GPC5: variants seen among roughly 807,000 people sequenced by gnomAD.
GPC5 encodes the protein glypican 5.
GPC5 carries 47 observed loss-of-function variants against 53.9 expected under a neutral mutation model. The observed-to-expected ratio is 0.87, with a 90% confidence interval of 0.69 to 1.11. The LOEUF (loss-of-function observed/expected upper bound fraction) is 1.11, where lower values mean the gene tolerates loss of function less well. Among genes scored for constraint, GPC5 ranks in the 50% most tolerant of loss-of-function variants. The probability of loss-of-function intolerance (pLI) is 0.00; values close to 1 mark genes in which losing one functional copy is unlikely to be tolerated. For missense variants in GPC5, 748 were observed against 713.1 expected (o/e 1.05, Z -0.56); for synonymous variants, 286 against 263.3 (o/e 1.09, Z -0.84).
In GPC5 at chr13:91,796,351, C is replaced by T. The variant is rs146089992; in HGVS notation, c.1280+39931C>T. Among the ~76,000 whole-genome samples, 8 of 152,222 alleles carry T rather than the reference C, an allele frequency of 5.3e-5. No homozygotes were observed. The East Asian group carries it at 1.2e-3, about 22-fold the overall frequency. ...TCTGGAGGGTTGGAAGTCAAAATGG[C>T]GGGTCTGCAATGACAGCAATCAGCA... is the stretch of plus-strand genomic sequence containing the variant. On this transcript the variant is annotated intron_variant, in intron 5 of 7. Coordinates refer to ENST00000377067, the MANE Select transcript of GPC5 (RefSeq NM_004466.6).
intron 7 of GPC5, among the ~76,000 whole-genome samples, chr13:92,458,306 G>T (rs1285496690): frequency 2.2e-5 from 3 of 135,960 alleles, no homozygotes; most frequent in Non-Finnish European, 4.7e-5. Flanking sequence ...CTTTTTTTGG[G>T]GGGGGCAGGG....
intron 6 of GPC5, among the ~76,000 whole-genome samples, chr13:92,109,832 G>T (rs1417645521): frequency 6.6e-6 from 1 of 152,052 alleles, no homozygotes; most frequent in East Asian, 1.9e-4. Context: ...TCTTTCATTT[G>T]ATTTATCTGA....
intron 5 of GPC5, among the ~76,000 whole-genome samples, chr13:91,841,238 T>C (rs976729137): frequency 1.3e-5 from 2 of 151,512 alleles, no homozygotes; most frequent in African/African-American, 4.9e-5. Flanking sequence ...GGCTAGAAAA[T>C]ATTTTTTAAA....
At position 91,513,003 on chromosome 13, in the gene GPC5, A is replaced by T. The variant is rs140900585; in HGVS notation, c.325+64081A>T. Among the ~76,000 whole-genome samples, 5 of 152,322 alleles carry T rather than the reference A, an allele frequency of 3.3e-5. No individual in the cohort carries two copies. The East Asian group carries it at 9.6e-4, about 29-fold the overall frequency. On this transcript the variant is annotated intron_variant, in intron 2 of 7. Coordinates refer to ENST00000377067, the MANE Select transcript of GPC5 (RefSeq NM_004466.6). The stretch of plus-strand genomic sequence containing the variant: ...TTTCTTCACATTACACTTTTAAAAA[A>T]ATCATTGTTATTATTTAAGCTCCAG...
intron 7 of GPC5, among the ~76,000 whole-genome samples, chr13:92,587,892 T>G (rs866087535): frequency 8.1e-5 from 12 of 147,472 alleles, no homozygotes; most frequent in East Asian, 4.0e-4. Flanking sequence ...TTTTTTGGGG[T>G]TTTTTTTTTG....
At chr13:92,231,283 G>A (rs1000652898) in intron 7 of GPC5, among the ~76,000 whole-genome samples, 3 of 152,124 alleles carry the variant, frequency 2.0e-5, no homozygotes, top group Admixed American at 6.5e-5. Context: ...ATGGAATAAA[G>A]CCATTTTCCC....
intron 7 of GPC5, among the ~76,000 whole-genome samples, chr13:92,736,723 TCTTG>T (rs1353221620): frequency 1.3e-5 from 2 of 151,954 alleles, no homozygotes; most frequent in African/African-American, 4.8e-5. Context: ...TCTGATCTGT[TCTTG>T]CTTGTCTCCC....
chr13:92,699,931 A>T (rs1387143507), intron 7 of GPC5, among the ~76,000 whole-genome samples: 1 of 152,158 alleles, frequency 6.6e-6, no homozygotes, highest in African/African-American at 2.4e-5. Context: ...AGATCTGTAG[A>T]TGTCTATTAG....
At chr13:92,671,226 G>T (rs1459209503) in intron 7 of GPC5, among the ~76,000 whole-genome samples, 1 of 152,022 alleles carries the variant, frequency 6.6e-6, no homozygotes, top group Non-Finnish European at 1.5e-5. Flanking sequence ...AAAACATTCC[G>T]AAATAAACAA....
chr13:91,578,442 T>G (rs2032220622), intron 2 of GPC5, among the ~76,000 whole-genome samples: 1 of 152,150 alleles, frequency 6.6e-6, no homozygotes, highest in Admixed American at 6.6e-5. Flanking sequence ...CCTTTGTCAT[T>G]TTAGCACCCT....
intron 7 of GPC5, among the ~76,000 whole-genome samples, chr13:92,675,042 T>C (rs61974465): frequency 0.22 from 33,561 of 152,054 alleles, 4,355 homozygotes; most frequent in South Asian, 0.36. Flanking sequence ...TTTTTGTATG[T>C]ATAAAACCAG....
intron 7 of GPC5, among the ~76,000 whole-genome samples, chr13:92,656,458 T>A (rs1272271617): frequency 1.3e-5 from 2 of 152,030 alleles, no homozygotes; most frequent in Admixed American, 6.5e-5. Flanking sequence ...ATGGTGCAGT[T>A]TTCTCCAGGC....
intron 2 of GPC5, among the ~76,000 whole-genome samples, chr13:91,619,022 G>A (rs916678612): frequency 3.3e-5 from 5 of 151,774 alleles, no homozygotes; most frequent in Non-Finnish European, 7.4e-5. Flanking sequence ...AGGAAATTTG[G>A]CATTCTTTTC....
At chr13:91,696,293 T>C (rs1247770539) in intron 3 of GPC5, among the ~76,000 whole-genome samples, 1 of 152,222 alleles carries the variant, frequency 6.6e-6, no homozygotes, top group East Asian at 1.9e-4. Context: ...CTTTTTAAAA[T>C]AGTCTGATTT....
intron 7 of GPC5, among the ~76,000 whole-genome samples, chr13:92,383,347 GAAT>G (rs2043765955): frequency 6.6e-6 from 1 of 152,092 alleles, no homozygotes; most frequent in African/African-American, 2.4e-5. Context: ...TAGATTATTT[GAAT>G]AATATAGCCT....
intron 7 of GPC5, among the ~76,000 whole-genome samples, chr13:92,484,420 A>T (rs569531954): frequency 4.9e-4 from 74 of 152,342 alleles, no homozygotes; most frequent in South Asian, 4.1e-3. Context: ...GTCATGTATT[A>T]TCATTACCAA....
At chr13:92,408,820 A>G (rs1044574699) in intron 7 of GPC5, among the ~76,000 whole-genome samples, 4 of 152,118 alleles carry the variant, frequency 2.6e-5, no homozygotes, top group South Asian at 2.1e-4. Context: ...AAAAACCAAT[A>G]CAATGATGGT....
chr13:92,150,155 T>C (rs1259747263), intron 7 of GPC5, among the ~76,000 whole-genome samples: 1 of 151,978 alleles, frequency 6.6e-6, no homozygotes, highest in Admixed American at 6.6e-5. Flanking sequence ...AAAATAATCT[T>C]TGGAAGGTTC....
chr13:91,914,104 G>T (rs936834175), intron 6 of GPC5, among the ~76,000 whole-genome samples: 51 of 152,242 alleles, frequency 3.3e-4, no homozygotes, highest in African/African-American at 1.2e-3. Flanking sequence ...CAGCAAAAAA[G>T]TCACAGTTCT....
Sources: gnomAD v4.1 joint callset for allele counts (sites outside exome capture counted in the v4.1 genomes callset) on GRCh38, gnomAD v4.1.1 for gene constraint, MANE v1.5 for transcripts, NCBI Gene and HGNC (gene_info 2026-07-23, HGNC 2026-07-21) for gene names.